CLDN10: variants seen among roughly 807,000 people sequenced by gnomAD.
CLDN10 encodes the protein claudin 10.
In CLDN10, 15 loss-of-function variants were observed where a neutral mutation model predicts 22.9. That is an observed-to-expected ratio of 0.65 (90% CI 0.44 to 1.01). The LOEUF (loss-of-function observed/expected upper bound fraction) is 1.01, where lower values mean the gene tolerates loss of function less well. CLDN10 is among the 50% of genes least tolerant of loss of function. The pLI, the probability that CLDN10 is intolerant of heterozygous loss-of-function variation, is 0.00. For synonymous variants in CLDN10, 114 were observed against 111.4 expected (o/e 1.02, Z -0.15); for missense variants, 247 against 287.8 (o/e 0.86, Z 1.03).
chr13:95,440,004 C>T (rs1191924102), intron 1 of CLDN10, among the ~76,000 whole-genome samples: 2 of 151,946 alleles, frequency 1.3e-5, no homozygotes, highest in Middle Eastern at 6.8e-3. Flanking sequence ...ACCTCCGCCT[C>T]CCAGGTTCAA....
intron 1 of CLDN10, among the ~76,000 whole-genome samples, chr13:95,482,012 C>T (rs184249365): frequency 6.6e-6 from 1 of 152,192 alleles, no homozygotes; most frequent in East Asian, 1.9e-4. Flanking sequence ...GAGTGAGACT[C>T]TGACTCAAAA....
chr13:95,451,512 C>T (rs527688349), intron 1 of CLDN10, among the ~76,000 whole-genome samples: 1 of 152,318 alleles, frequency 6.6e-6, no homozygotes, highest in Admixed American at 6.5e-5. Context: ...CTCACAGCAG[C>T]CTCCAACTCC....
At chr13:95,576,766 C>T (rs944023929) in intron 3 of CLDN10, among the ~76,000 whole-genome samples, 10 of 152,202 alleles carry the variant, frequency 6.6e-5, no homozygotes, top group Admixed American at 2.6e-4. Flanking sequence ...TAGACTGCAG[C>T]GATTAGTGAC....
chr13:95,503,564 T>C (rs957010713), intron 1 of CLDN10, among the ~76,000 whole-genome samples: 2 of 152,190 alleles, frequency 1.3e-5, no homozygotes. Flanking sequence ...GCACTGTTTA[T>C]AAAAACTGAA....
chr13:95,495,624 A>G (rs9561880), intron 1 of CLDN10, among the ~76,000 whole-genome samples: 72,216 of 150,430 alleles, frequency 0.48, 17,796 homozygotes, highest in Non-Finnish European at 0.53. Flanking sequence ...CGCGCCTGTA[A>G]TCCCAGCTAC....
At chr13:95,508,522 C>T (rs979896649) in intron 1 of CLDN10, among the ~76,000 whole-genome samples, 1 of 152,200 alleles carries the variant, frequency 6.6e-6, no homozygotes, top group Admixed American at 6.5e-5. Flanking sequence ...CATCAAGCAT[C>T]AATTAAGTGC....
intron 1 of CLDN10, among the ~76,000 whole-genome samples, chr13:95,492,646 A>G (rs1388274838): frequency 6.6e-6 from 1 of 152,132 alleles, no homozygotes; most frequent in African/African-American, 2.4e-5. Context: ...TGAAGTCTGC[A>G]CACCAGATTC....
At chr13:95,503,389 T>G (rs994608324) in intron 1 of CLDN10, among the ~76,000 whole-genome samples, 3 of 152,206 alleles carry the variant, frequency 2.0e-5, no homozygotes, top group Non-Finnish European at 4.4e-5. Flanking sequence ...TGCATTTTTA[T>G]ATAAAACCAA....
At chr13:95,509,561 G>GACA (rs1273230390) in intron 1 of CLDN10, among the ~76,000 whole-genome samples, 1 of 152,164 alleles carries the variant, frequency 6.6e-6, no homozygotes, top group African/African-American at 2.4e-5. Flanking sequence ...GTGACTGGGT[G>GACA]ACATAGCAAA....
intron 1 of CLDN10, among the ~76,000 whole-genome samples, chr13:95,443,808 G>C (rs149327374): frequency 6.6e-6 from 1 of 152,150 alleles, no homozygotes; most frequent in Non-Finnish European, 1.5e-5. Flanking sequence ...ATGTGCTTGT[G>C]GGGGGTCATT....
intron 1 of CLDN10, among the ~76,000 whole-genome samples, chr13:95,542,183 A>T (rs1410940655): frequency 6.6e-6 from 1 of 152,194 alleles, no homozygotes; most frequent in East Asian, 1.9e-4. Context: ...CCCCAAGGGG[A>T]TGGTGCTGAA....
At chr13:95,536,406 G>A (rs752208362) in intron 1 of CLDN10, among the ~76,000 whole-genome samples, 34 of 152,048 alleles carry the variant, frequency 2.2e-4, no homozygotes, top group Non-Finnish European at 4.4e-4. Context: ...CCGAGATCAC[G>A]CCACTGCACT....
upstream of CLDN10, among the ~76,000 whole-genome samples, chr13:95,547,850 C>T (rs2043525254): frequency 6.6e-6 from 1 of 152,184 alleles, no homozygotes; most frequent in African/African-American, 2.4e-5. Flanking sequence ...CTCACATACA[C>T]ATCTATACAG....
intron 1 of CLDN10, among the ~76,000 whole-genome samples, chr13:95,441,917 AAGCC>A (rs2042328085): frequency 6.6e-6 from 1 of 152,184 alleles, no homozygotes; most frequent in Non-Finnish European, 1.5e-5. Context: ...TTTGGGAGAC[AAGCC>A]AGGTGGATCG....
At chr13:95,441,979 C>T (rs1297311575) in intron 1 of CLDN10, among the ~76,000 whole-genome samples, 8 of 152,004 alleles carry the variant, frequency 5.3e-5, no homozygotes, top group Non-Finnish European at 1.0e-4. Flanking sequence ...GGTGAAACCC[C>T]GTCTCTACAA....
chr13:95,437,286 C>T lies in CLDN10; in HGVS notation c.214+3239C>T, dbSNP rs531382945. Among the ~76,000 whole-genome samples the T allele has an allele frequency of 9.9e-5, 15 of 152,230 alleles. No individual in the cohort carries two copies. The East Asian group carries it at 1.2e-3, about 12-fold the overall frequency. ...TCAACTGTCATTCTGTGAAATAAAC[C>T]GTAGGAACACCTGCAATTCAATTCT... On this transcript the variant is annotated intron_variant, in intron 1 of 4. Transcript: ENST00000376873.
intron 1 of CLDN10, among the ~76,000 whole-genome samples, chr13:95,499,401 G>T (rs2042961014): frequency 6.6e-6 from 1 of 152,124 alleles, no homozygotes; most frequent in African/African-American, 2.4e-5. Flanking sequence ...AATTAGCTAG[G>T]CATGGTGGCA....
intron 1 of CLDN10, among the ~76,000 whole-genome samples, chr13:95,556,960 C>T (rs908469903): frequency 4.6e-5 from 7 of 152,198 alleles, no homozygotes; most frequent in Non-Finnish European, 1.0e-4. Context: ...TTTAAAGTCA[C>T]TGTATTTTAC....
At chr13:95,442,272 C>T (rs1326526951) in intron 1 of CLDN10, among the ~76,000 whole-genome samples, 1 of 152,202 alleles carries the variant, frequency 6.6e-6, no homozygotes, top group Admixed American at 6.5e-5. Context: ...TGAAAGGTCA[C>T]ATCTCTGCTG....
Sources: gnomAD v4.1 joint callset for allele counts (sites outside exome capture counted in the v4.1 genomes callset) on GRCh38, gnomAD v4.1.1 for gene constraint, MANE v1.5 for transcripts, NCBI Gene and HGNC (gene_info 2026-07-23, HGNC 2026-07-21) for gene names.